The following RTL3 variants were observed in gnomAD, a reference collection of about 807,000 sequenced individuals.
RTL3 encodes retrotransposon Gag like 3, also known as retrotransposon Gag-like protein 3.
For synonymous variants in RTL3, 181 were observed against 132.2 expected, an observed-to-expected ratio of 1.37 and a Z score of -2.53; for missense variants, 468 against 341.8, an observed-to-expected ratio of 1.37 and a Z score of -2.91.
chrX:78,658,529 A>C lies in RTL3; in HGVS notation c.-109T>G. 2 of 791,697 alleles carry C rather than the reference A, an allele frequency of 2.5e-6. No homozygotes were observed. The highest frequency in any genetic ancestry group is 3.5e-6 in the Non-Finnish European group (2 of 571,246). 65.2% of individuals were successfully genotyped at this position (791,697 alleles called of 1,213,427 possible). A position where few individuals can be genotyped will look rare whatever the true frequency, so the allele number is the denominator to read the frequency against. The stretch of plus-strand genomic sequence containing the variant: ...TTACAGGCAGATGTCAGGCTCAGTG[A>C]GTTTTCCAAGGGGTGGTATTTGGGC... On this transcript the variant is annotated 5_prime_UTR_variant, in exon 2 of 2. Coordinates refer to ENST00000321110, the MANE Select transcript of RTL3 (RefSeq NM_152694.3).
At position 78,657,792 on chromosome X, in the gene RTL3, A is replaced by G; in HGVS notation, c.629T>C (p.Leu210Pro). The G allele has an allele frequency of 8.3e-7, 1 of 1,211,801 alleles. No individual in the cohort carries two copies. The highest frequency in any genetic ancestry group is 1.1e-6 in the Non-Finnish European group (1 of 895,487). The change falls in exon 2 of 2, where the codon CTG becomes CCG. Residue 210 changes from leucine (L) to proline (P), a missense_variant. Coordinates refer to ENST00000321110, the MANE Select transcript of RTL3 (RefSeq NM_152694.3). ...TGTCTCCACAACTATTAGACCCTCCAGGGACTCCTGGGCTGCTGAGAGTTC... is the reference window on the plus strand; with the variant it reads ...TGTCTCCACAACTATTAGACCCTCCGGGGACTCCTGGGCTGCTGAGAGTTC... ...FLELSAAQES[L>P]EGLIVVETSA...
At position 78,659,256 on chromosome X, in the gene RTL3, G is replaced by A. The variant is rs1203024649; in HGVS notation, c.-229+5C>T. On this transcript the variant is annotated splice_donor_5th_base_variant and intron_variant, in intron 1 of 1. Transcript: ENST00000321110. ...AAGAAAATAATCTTTATAAATGTAC[G>A]TTACCATTCAGAGACTTAGTCCAGG... 1.8e-5 allele frequency: 2 copies of A among 109,579 alleles called. No individual in the cohort carries two copies. Among genetic ancestry groups the A allele is most frequent in the Non-Finnish European group, 3.8e-5 (2 of 52,739 alleles). 9.0% of individuals were successfully genotyped at this position (109,579 alleles called of 1,213,427 possible). A position where few individuals can be genotyped will look rare whatever the true frequency, so the allele number is the denominator to read the frequency against.
chrX:78,656,635 A>G lies in RTL3; in HGVS notation c.*358T>C, dbSNP rs1475537222. 2 of 184,501 alleles carry G rather than the reference A, an allele frequency of 1.1e-5. No homozygotes were observed. The highest frequency in any genetic ancestry group is 2.0e-5 in the Non-Finnish European group (2 of 100,321). 15.2% of individuals were successfully genotyped at this position (184,501 alleles called of 1,213,427 possible). A position where few individuals can be genotyped will look rare whatever the true frequency, so the allele number is the denominator to read the frequency against. ...TGGGTCATGTGTCTCAAGCCAATGG[A>G]TTCCAATAATCAGAGGGTATCGTGG... On this transcript the variant is annotated 3_prime_UTR_variant, in exon 2 of 2. Coordinates refer to ENST00000321110, the MANE Select transcript of RTL3 (RefSeq NM_152694.3).
chrX:78,657,551 C>T lies in RTL3; in HGVS notation c.870G>A (p.Trp290Ter), dbSNP rs763444156. The T allele has an allele frequency of 8.3e-7, 1 of 1,207,267 alleles. No homozygotes were observed. Among genetic ancestry groups the T allele is most frequent in the African/African-American group, 1.7e-5 (1 of 57,722 alleles). Residue 290 changes from tryptophan (W) to a stop codon, truncating the protein, a stop_gained, in exon 2 of 2, where the codon TGG (tryptophan) becomes TGA (stop). Coordinates refer to ENST00000321110, the MANE Select transcript of RTL3 (RefSeq NM_152694.3). LOFTEE classifies it low-confidence loss of function (END_TRUNC). ...GNCFSGRAGW[W>*]FQLLLDIQSP... ...TTTGGATATCCAGTAAGAGCTGGAACCACCATCCTGCCCTACCTGAGAAGC... is the reference window on the plus strand; with the variant it reads ...TTTGGATATCCAGTAAGAGCTGGAATCACCATCCTGCCCTACCTGAGAAGC...
Position 78,657,686 on chromosome X carries a change from A to G in RTL3, c.735T>C (p.Ser245=). 2 of 1,209,259 alleles carry G rather than the reference A, an allele frequency of 1.7e-6. No homozygotes were observed. The highest frequency in any genetic ancestry group is 3.5e-5 in the South Asian group (2 of 56,483). ...ACTCAGGAAGCTTCTGGGAATCTCC[A>G]CTGAAGGTTAAAGTGTATTGCAGGG... is the stretch of plus-strand genomic sequence containing the variant. ...DFPLQYTLTF[S]GDSQKLPEFL... is the part of the protein sequence containing the mutation. Residue 245 remains serine (S), a synonymous_variant, in exon 2 of 2, where the codon AGT becomes AGC. Transcript: ENST00000321110.
In RTL3 at chrX:78,657,561, G is replaced by A. The variant is rs879207036; in HGVS notation, c.860C>T (p.Ala287Val). Reference sequence around the variant, plus strand: ...CAGTAAGAGCTGGAACCACCATCCTGCCCTACCTGAGAAGCAATTGCCAAC... The same window carrying A: ...CAGTAAGAGCTGGAACCACCATCCTACCCTACCTGAGAAGCAATTGCCAAC... The part of the protein sequence containing the change: ...SFVGNCFSGR[A>V]GWWFQLLLDI... Residue 287 changes from alanine (A) to valine (V), a missense_variant, in exon 2 of 2, where the codon GCA becomes GTA. Physicochemically the swap from Ala to Val is moderately conservative, Grantham distance 64. Transcript: ENST00000321110. 6 of 1,207,167 alleles carry A rather than the reference G, an allele frequency of 5.0e-6. No individual in the cohort carries two copies. Among genetic ancestry groups the A allele is most frequent in the Middle Eastern group, 4.6e-4 (2 of 4,343 alleles).
chrX:78,657,134 TG>T lies in RTL3; in HGVS notation c.1286del (p.Pro429HisfsTer76). On this transcript the variant is annotated frameshift_variant, in exon 2 of 2. Coordinates refer to ENST00000321110, the MANE Select transcript of RTL3 (RefSeq NM_152694.3). LOFTEE classifies it low-confidence loss of function (END_TRUNC). ...GGACCCATTCAGCTTCACTGATGTG[TG>T]GGCAGTTGATTGCAGCCTGCATAGG... ...NQPMQAAINC[P>X]HISEAEWVRW... 2.5e-6 allele frequency: 3 copies of T among 1,212,199 alleles called. No homozygotes were observed. The highest frequency in any genetic ancestry group is 3.3e-6 in the Non-Finnish European group (3 of 895,604).
chrX:78,657,027 G>T lies in RTL3; in HGVS notation c.1394C>A (p.Ala465Asp). The T allele has an allele frequency of 8.3e-7, 1 of 1,211,329 alleles. No individual in the cohort carries two copies. The highest frequency in any genetic ancestry group is 1.1e-6 in the Non-Finnish European group (1 of 895,081). ...ARDCPVKPHQ[A>D]LQAGNIQACQ Reference sequence around the variant, plus strand: ...GGCCTGGATGTTTCCCGCCTGCAGGGCCTGATGAGGCTTGACAGGGCAATC... The same window carrying T: ...GGCCTGGATGTTTCCCGCCTGCAGGTCCTGATGAGGCTTGACAGGGCAATC... Residue 465 changes from alanine to aspartate, a missense_variant, in exon 2 of 2, where the codon GCC becomes GAC. Transcript: ENST00000321110.
chrX:78,659,011 C>T (rs1453821724), intron 1 of RTL3, among the ~76,000 whole-genome samples: 1 of 109,920 alleles, frequency 9.1e-6, no homozygotes, highest in Non-Finnish European at 1.9e-5. Flanking sequence ...GAATTTTAGG[C>T]TCTGCGGTGG....
Position 78,656,762 on chromosome X carries a change from C to T in RTL3, c.*231G>A, listed in dbSNP as rs1294649157. The T allele has an allele frequency of 2.3e-5, 9 of 392,787 alleles. No homozygotes were observed. In the South Asian group the frequency reaches 2.7e-4, roughly 12 times the overall value. 32.4% of individuals were successfully genotyped at this position (392,787 alleles called of 1,213,427 possible). A position where few individuals can be genotyped will look rare whatever the true frequency, so the allele number is the denominator to read the frequency against. On this transcript the variant is annotated 3_prime_UTR_variant, in exon 2 of 2. Transcript: ENST00000321110. ...ATGGGTCCATTAATAAGTGGATGGC[C>T]GTCGACAGTTTCCAGCATCAGAGGG...
chrX:78,657,015 C>T lies in RTL3; in HGVS notation c.1406G>A (p.Gly469Glu). 8.3e-7 allele frequency: 1 copy of T among 1,208,938 alleles called. No homozygotes were observed. The highest frequency in any genetic ancestry group is 2.2e-5 in the Admixed American group (1 of 45,964). Reference protein sequence around the residue: ...PVKPHQALQAGNIQACQ With the variant: ...PVKPHQALQAENIQACQ ...CCCTTACTGGCAGGCCTGGATGTTT[C>T]CCGCCTGCAGGGCCTGATGAGGCTT... Residue 469 changes from glycine to glutamate, a missense_variant, in exon 2 of 2, where the codon GGA (glycine) becomes GAA (glutamate). By Grantham distance (98) the Gly-to-Glu change is moderately conservative (BLOSUM62 -2). Coordinates refer to ENST00000321110, the MANE Select transcript of RTL3 (RefSeq NM_152694.3).
Position 78,658,373 on chromosome X carries a change from A to G in RTL3, c.48T>C (p.Asn16=). 1 of 1,210,693 alleles carries G rather than the reference A, an allele frequency of 8.3e-7. No homozygotes were observed. The highest frequency in any genetic ancestry group is 2.2e-5 in the Admixed American group (1 of 45,948). ...ACTGCACTTGAGCCTGCCGAATTTC[A>G]TTCTCCAATTTCAGAACAATATAGG... is the stretch of plus-strand genomic sequence containing the variant. ...AASYIVLKLE[N]EIRQAQVQWL... is the part of the protein sequence containing the mutation. The change falls in exon 2 of 2, where the codon AAT becomes AAC. Residue 16 remains asparagine, a synonymous_variant. Coordinates refer to ENST00000321110, the MANE Select transcript of RTL3 (RefSeq NM_152694.3).
rs763413086 is a variant in RTL3, at chrX:78,657,388, G to A, written c.1033C>T (p.Leu345Phe). The A allele has an allele frequency of 9.1e-6, 11 of 1,210,315 alleles. No homozygotes were observed. Among genetic ancestry groups the A allele is most frequent in the Non-Finnish European group, 7.8e-6 (7 of 895,315 alleles). Residue 345 changes from leucine to phenylalanine, a missense_variant, in exon 2 of 2, where the codon CTC becomes TTC. Physicochemically the swap from Leu to Phe is conservative, Grantham distance 22. Transcript: ENST00000321110. ...TCCCAGTTCAGCTCTTGAGCAATGAGGTGGAAGTGGGTTGCTACATGACCC... is the reference window on the plus strand; with the variant it reads ...TCCCAGTTCAGCTCTTGAGCAATGAAGTGGAAGTGGGTTGCTACATGACCC... Reference protein sequence around the residue: ...GEGHVATHFHLIAQELNWDES... With the variant: ...GEGHVATHFHFIAQELNWDES...
rs954006000 is a variant in RTL3 at position 78,658,081 on chromosome X, A to G, written c.340T>C (p.Ser114Pro). Residue 114 changes from serine (S) to proline (P), a missense_variant, in exon 2 of 2, where the codon TCC (serine) becomes CCC (proline). Transcript: ENST00000321110. ...ELQEAPAAPE[S>P]LAPPATRESQ... ...TCCCGGGTTGCTGGAGGCGCCAGGG[A>G]CTCTGGGGCTGCTGGGGCCTCCTGG... 8.7e-7 allele frequency: 1 copy of G among 1,147,206 alleles called. No individual in the cohort carries two copies. The highest frequency in any genetic ancestry group is 1.9e-5 in the African/African-American group (1 of 53,796). 94.5% of individuals were successfully genotyped at this position (1,147,206 alleles called of 1,213,427 possible). A position where few individuals can be genotyped will look rare whatever the true frequency, so the allele number is the denominator to read the frequency against.
At chrX:78,659,152 G>A (rs1206919481) in intron 1 of RTL3, 109 bp downstream of exon 1, 6 of 28,664 alleles carry the variant, frequency 2.1e-4, no homozygotes, top group South Asian at 2.8e-3. Context: ...AGCAAAAGTC[G>A]ACTAAATATA....
chrX:78,658,639 G>A lies in RTL3; in HGVS notation c.-219C>T. 1 of 334,692 alleles carries A rather than the reference G, an allele frequency of 3.0e-6. No individual in the cohort carries two copies. Among genetic ancestry groups the A allele is most frequent in the Non-Finnish European group, 5.3e-6 (1 of 186,965 alleles). 27.6% of individuals were successfully genotyped at this position (334,692 alleles called of 1,213,427 possible). A position where few individuals can be genotyped will look rare whatever the true frequency, so the allele number is the denominator to read the frequency against. On this transcript the variant is annotated 5_prime_UTR_variant, in exon 2 of 2. Transcript: ENST00000321110. The stretch of plus-strand genomic sequence containing the variant: ...CCTCCGGAGCTCAGTAAGGGGAAGT[G>A]TCAGATACACTGCGAAGAGAGTGGG...
Position 78,656,974 on chromosome X carries a change from G to T in RTL3, c.*19C>A. ...AGAGGGGGACGCATATTTGTAGATT[G>T]GCCCACGTGGGGTCCCCCTTACTGG... is the stretch of plus-strand genomic sequence containing the variant. On this transcript the variant is annotated 3_prime_UTR_variant, in exon 2 of 2. Transcript: ENST00000321110. 8.5e-7 allele frequency: 1 copy of T among 1,183,425 alleles called. No individual in the cohort carries two copies. The highest frequency in any genetic ancestry group is 1.1e-6 in the Non-Finnish European group (1 of 877,963).
In RTL3 at chrX:78,658,652, C is replaced by A. The variant is rs181933542; in HGVS notation, c.-228-4G>T. The A allele has an allele frequency of 3.7e-5, 11 of 299,798 alleles. No individual in the cohort carries two copies. Among genetic ancestry groups the A allele is most frequent in the African/African-American group, 1.9e-4 (7 of 36,236 alleles). 24.7% of individuals were successfully genotyped at this position (299,798 alleles called of 1,213,427 possible). A position where few individuals can be genotyped will look rare whatever the true frequency, so the allele number is the denominator to read the frequency against. ...GTAAGGGGAAGTGTCAGATACACTG[C>A]GAAGAGAGTGGGAGCTGAGGATCAG... On this transcript the variant is annotated splice_region_variant and splice_polypyrimidine_tract_variant and intron_variant, in intron 1 of 1. Transcript: ENST00000321110.
Position 78,658,472 on chromosome X carries a change from T to C in RTL3, c.-52A>G, listed in dbSNP as rs1176139987. 6.7e-6 allele frequency: 7 copies of C among 1,047,030 alleles called. No individual in the cohort carries two copies. In the African/African-American group the frequency reaches 7.6e-5, roughly 11 times the overall value. The allele number at this position is 1,047,030 out of a possible 1,213,427, so 86.3% of individuals were successfully genotyped here. ...CAATTTGCTACCAAGAGAGATTGGG[T>C]GGGTGTTTGTGAGATCCTTCCTGAA... On this transcript the variant is annotated 5_prime_UTR_variant, in exon 2 of 2. Transcript: ENST00000321110.
Sources: gnomAD v4.1 joint callset for allele counts (sites outside exome capture counted in the v4.1 genomes callset) on GRCh38, gnomAD v4.1.1 for gene constraint, MANE v1.5 for transcripts, NCBI Gene and HGNC (gene_info 2026-07-23, HGNC 2026-07-21) for gene names.